CNTNAP2: variants seen among roughly 807,000 people sequenced by gnomAD.
CNTNAP2 encodes contactin associated protein 2.
A neutral mutation model predicts 155.2 loss-of-function variants in CNTNAP2; 98 were observed. The ratio of observed to expected loss-of-function variants is 0.63; its 90% CI spans 0.54 to 0.75. The LOEUF (loss-of-function observed/expected upper bound fraction) is 0.75. Ranked by LOEUF, CNTNAP2 falls within the 30% of genes least tolerant of loss-of-function variation. The pLI, the probability that CNTNAP2 is intolerant of heterozygous loss-of-function variation, is 0.00. For missense variants in CNTNAP2, 1,727 were observed against 1,688.1 expected (o/e 1.02, Z -0.40); for synonymous variants, 651 against 631.2 (o/e 1.03, Z -0.47).
intron 13 of CNTNAP2, among the ~76,000 whole-genome samples, chr7:147,647,307 C>CTTT (rs879583841): frequency 1.4e-5 from 2 of 144,810 alleles, no homozygotes; most frequent in East Asian, 4.0e-4. Context: ...GGCCAGTTCA[C>CTTT]TTTTTTTTTT....
At chr7:147,482,287 T>G (rs1798434588) in intron 10 of CNTNAP2, among the ~76,000 whole-genome samples, 1 of 152,140 alleles carries the variant, frequency 6.6e-6, no homozygotes, top group African/African-American at 2.4e-5. Context: ...GCTTGGTAAC[T>G]GGTCCTAACT....
At chr7:146,985,505 A>G (rs954915847) in intron 3 of CNTNAP2, among the ~76,000 whole-genome samples, 2 of 151,736 alleles carry the variant, frequency 1.3e-5, no homozygotes, top group South Asian at 2.1e-4. Context: ...TATTTTTAGT[A>G]GAGACGGAGT....
intron 1 of CNTNAP2, among the ~76,000 whole-genome samples, chr7:146,743,972 C>T (rs1251292009): frequency 6.6e-6 from 1 of 151,962 alleles, no homozygotes; most frequent in Admixed American, 6.6e-5. Flanking sequence ...CCTGTAATGG[C>T]TCCCAGCACT....
At chr7:148,148,515 C>T (rs181581070) in intron 17 of CNTNAP2, among the ~76,000 whole-genome samples, 1 of 152,186 alleles carries the variant, frequency 6.6e-6, no homozygotes, top group Non-Finnish European at 1.5e-5. Flanking sequence ...AGACCCCTCT[C>T]TAGGGGGTCA....
At chr7:146,368,697 A>G (rs1584892344) in intron 1 of CNTNAP2, among the ~76,000 whole-genome samples, 1 of 152,074 alleles carries the variant, frequency 6.6e-6, no homozygotes, top group South Asian at 2.1e-4. Context: ...GTGAGTCCTC[A>G]GTTTTCACAA....
In CNTNAP2 at chr7:147,644,349, G is replaced by T. The variant is rs1795331223; in HGVS notation, c.2098+5043G>T. Reference sequence around the variant, plus strand: ...TAAGAACTTGAATTTGGCCGGGTGGGGTGGTTCAGGCCTGTAATCCCAGCA... The same window carrying T: ...TAAGAACTTGAATTTGGCCGGGTGGTGTGGTTCAGGCCTGTAATCCCAGCA... On this transcript the variant is annotated intron_variant, in intron 13 of 23. Transcript: ENST00000361727. Among the ~76,000 whole-genome samples the T allele has an allele frequency of 1.3e-5, 2 of 152,160 alleles. 1 individual carries two copies. The highest frequency in any genetic ancestry group is 4.1e-4 in the South Asian group (2 of 4,828).
intron 10 of CNTNAP2, among the ~76,000 whole-genome samples, chr7:147,400,127 G>T (rs538901611): frequency 1.3e-5 from 2 of 152,104 alleles, no homozygotes; most frequent in Non-Finnish European, 2.9e-5. Flanking sequence ...CTTTCCAGGT[G>T]TGAAAACCTG....
chr7:146,458,082 T>G (rs903131660), intron 1 of CNTNAP2, among the ~76,000 whole-genome samples: 2 of 151,954 alleles, frequency 1.3e-5, no homozygotes, highest in African/African-American at 4.8e-5. Context: ...ATGTTCTCAT[T>G]TACAAGTGGG....
At position 146,550,401 on chromosome 7, in the gene CNTNAP2, G is replaced by GTTTTTTTTTTTTT. The variant is rs10673467; in HGVS notation, c.98-223854_98-223842dup. Among the ~76,000 whole-genome samples, 47 of 54,380 alleles carry GTTTTTTTTTTTTT rather than the reference G, an allele frequency of 8.6e-4. 11 individuals carry two copies. Among genetic ancestry groups the GTTTTTTTTTTTTT allele is most frequent in the African/African-American group, 3.3e-3 (46 of 14,078 alleles). 35.7% of individuals were successfully genotyped at this position (54,380 alleles called of 152,430 possible). A position where few individuals can be genotyped will look rare whatever the true frequency, so the allele number is the denominator to read the frequency against. On this transcript the variant is annotated intron_variant, in intron 1 of 23. Coordinates refer to ENST00000361727, the MANE Select transcript of CNTNAP2 (RefSeq NM_014141.6). ...TTATAGCAGTGAGGTCCATTAATCT[G>GTTTTTTTTTTTTT]TTTTTTTTTTTTTTTTTTTTTTTTT...
At chr7:148,412,815 G>A (rs867013029) in intron 23 of CNTNAP2, among the ~76,000 whole-genome samples, 1 of 152,140 alleles carries the variant, frequency 6.6e-6, no homozygotes, top group African/African-American at 2.4e-5. Flanking sequence ...ATAGGATATT[G>A]GCCGTAGGTT....
At chr7:146,787,382 C>T (rs1482955812) in intron 2 of CNTNAP2, among the ~76,000 whole-genome samples, 2 of 152,050 alleles carry the variant, frequency 1.3e-5, no homozygotes, top group Admixed American at 1.3e-4. Context: ...CTTCAGACGT[C>T]CAGATGTGTC....
At position 146,911,018 on chromosome 7, in the gene CNTNAP2, G is replaced by A. The variant is rs572720645; in HGVS notation, c.402+71114G>A. On this transcript the variant is annotated intron_variant, in intron 3 of 23. Transcript: ENST00000361727. The stretch of plus-strand genomic sequence containing the variant: ...AAGGACATGAACAGACACTTCTCAA[G>A]AGAAGACATTTATGCAGCCAAAAAA... Among the ~76,000 whole-genome samples the A allele has an allele frequency of 9.2e-3, 1,391 of 151,644 alleles. 26 individuals are homozygous for A. Among genetic ancestry groups the A allele is most frequent in the African/African-American group, 0.032 (1,314 of 41,018 alleles).
chr7:147,275,379 G>C (rs1303069550), intron 8 of CNTNAP2, among the ~76,000 whole-genome samples: 2 of 151,042 alleles, frequency 1.3e-5, no homozygotes, highest in Non-Finnish European at 3.0e-5. Flanking sequence ...CACCTCCTTG[G>C]CTAAACATAT....
At chr7:146,575,014 G>C (rs551310420) in intron 1 of CNTNAP2, among the ~76,000 whole-genome samples, 26 of 152,188 alleles carry the variant, frequency 1.7e-4, no homozygotes, top group African/African-American at 5.5e-4. Context: ...TTGTGTCAGA[G>C]ATTGATAAGT....
chr7:146,437,663 CA>C (rs1488733178), intron 1 of CNTNAP2, among the ~76,000 whole-genome samples: 6 of 151,562 alleles, frequency 4.0e-5, no homozygotes, highest in African/African-American at 1.5e-4. Context: ...AATAATTGTA[CA>C]TCAAAATAAG....
chr7:147,040,481 G>A (rs1327578051), intron 3 of CNTNAP2, among the ~76,000 whole-genome samples: 1 of 99,970 alleles, frequency 1.0e-5, no homozygotes, highest in African/African-American at 4.1e-5. Flanking sequence ...TTTTTTTTGA[G>A]ACAGAGTCTG....
At chr7:147,538,734 T>C (rs1479441768) in intron 11 of CNTNAP2, among the ~76,000 whole-genome samples, 1 of 152,174 alleles carries the variant, frequency 6.6e-6, no homozygotes, top group African/African-American at 2.4e-5. Context: ...TAAAAACAAA[T>C]TCAATAATCC....
In CNTNAP2 at chr7:148,417,639, TTATG is replaced by T. The variant is rs1222715968; in HGVS notation, c.*2027_*2030del. 1 of 152,248 alleles carries T rather than the reference TTATG, an allele frequency of 6.6e-6. No homozygotes were observed. The highest frequency in any genetic ancestry group is 2.4e-5 in the African/African-American group (1 of 41,466). 9.4% of individuals were successfully genotyped at this position (152,248 alleles called of 1,614,324 possible). On this transcript the variant is annotated 3_prime_UTR_variant, in exon 24 of 24. Coordinates refer to ENST00000361727, the MANE Select transcript of CNTNAP2 (RefSeq NM_014141.6). Reference sequence around the variant, plus strand: ...AAGATGATTACCATTAGGAGTTACTTTATGTATTGTTGAAAGCAAATTTTAAACA... The same window carrying T: ...AAGATGATTACCATTAGGAGTTACTTTATTGTTGAAAGCAAATTTTAAACA...
At chr7:146,708,677 A>T (rs541008988) in intron 1 of CNTNAP2, among the ~76,000 whole-genome samples, 4 of 132,390 alleles carry the variant, frequency 3.0e-5, no homozygotes, top group African/African-American at 1.2e-4. Flanking sequence ...TCTCACTGCA[A>T]CCTCTGCCTC....
Sources: allele counts gnomAD v4.1 joint callset (sites outside exome capture counted in the v4.1 genomes callset), GRCh38; gene constraint gnomAD v4.1.1; transcripts MANE v1.5; gene names NCBI Gene and HGNC (gene_info 2026-07-23, HGNC 2026-07-21).